Variants in UGT1A9 observed in about 807,000 individuals in gnomAD.
UGT1A9 encodes the protein UDP-glucuronosyltransferase 1A9.
A neutral mutation model predicts 45.0 loss-of-function variants in UGT1A9; 35 were observed. That is an observed-to-expected ratio of 0.78 (90% CI 0.59 to 1.03). The LOEUF is 1.03. Among genes scored for constraint, UGT1A9 ranks in the 50% least tolerant of loss-of-function variants. UGT1A9 has a pLI of 0.00. For synonymous variants in UGT1A9, 278 were observed against 250.6 expected, an observed-to-expected ratio of 1.11 and a Z score of -1.03; for missense variants, 687 against 666.6, an observed-to-expected ratio of 1.03 and a Z score of -0.34.
At chr2:233,753,258 G>C (rs935441896) in intron 1 of UGT1A9, 1 of 152,170 alleles carries the variant, frequency 6.6e-6, no homozygotes. Context: ...CAACTACCCA[G>C]GCACCTTGGA....
intron 1 of UGT1A9, among the ~76,000 whole-genome samples, chr2:233,678,117 G>T (rs1423085538): frequency 1.3e-5 from 2 of 152,098 alleles, no homozygotes; most frequent in Non-Finnish European, 2.9e-5. Context: ...GCTAAATAGT[G>T]GGTACTTTTG....
intron 1 of UGT1A9, chr2:233,693,388 C>A: frequency 2.5e-6 from 4 of 1,614,150 alleles, no homozygotes; most frequent in South Asian, 1.1e-5. Context: ...ACTGCCAGAG[C>A]CTCCTGCAGG....
chr2:233,671,998 T>A lies in UGT1A9; in HGVS notation c.64T>A (p.Phe22Ile). ...LCVCLLLTCG[F>I]AEAGKLLVVP... is the part of the protein sequence containing the mutation. The stretch of plus-strand genomic sequence containing the variant: ...TGTGTGTCTGCTGCTGACCTGTGGC[T>A]TTGCCGAGGCAGGGAAGCTACTGGT... The change falls in exon 1 of 5, where the codon TTT becomes ATT. Residue 22 changes from phenylalanine (F) to isoleucine (I), a missense_variant. Phe to Ile is a conservative substitution (Grantham distance 21). Coordinates refer to ENST00000354728, the MANE Select transcript of UGT1A9 (RefSeq NM_021027.3). 1 of 1,614,132 alleles carries A rather than the reference T, an allele frequency of 6.2e-7. No individual in the cohort carries two copies. Among genetic ancestry groups the A allele is most frequent in the East Asian group, 2.2e-5 (1 of 44,876 alleles).
At chr2:233,679,270 A>G (rs1487537750) in intron 1 of UGT1A9, among the ~76,000 whole-genome samples, 1 of 152,238 alleles carries the variant, frequency 6.6e-6, no homozygotes, top group Admixed American at 6.5e-5. Flanking sequence ...CTTGCTGGCA[A>G]TGCATTTTCT....
rs529320907 is a variant in UGT1A9 at position 233,713,045 on chromosome 2, T to C, written c.855+40256T>C. The C allele has an allele frequency of 6.2e-6, 10 of 1,614,044 alleles. No homozygotes were observed. The Admixed American group carries it at 6.7e-5, about 11-fold the overall frequency. ...CGCAGCTGGCCACAGGACTGCTGCT[T>C]CTCCTCAGTGTCCAGCCCTGGGCTG... On this transcript the variant is annotated intron_variant, in intron 1 of 4. Coordinates refer to ENST00000354728, the MANE Select transcript of UGT1A9 (RefSeq NM_021027.3).
At chr2:233,760,806 T>C (rs751197990) in intron 1 of UGT1A9, 3 of 1,613,492 alleles carry the variant, frequency 1.9e-6, no homozygotes, top group Non-Finnish European at 2.5e-6. Context: ...TCTTCTTGCA[T>C]GCACTGCCAT....
Position 233,772,498 on chromosome 2 carries a change from A to G in UGT1A9, c.1532A>G (p.Tyr511Cys), listed in dbSNP as rs1575871592. The G allele has an allele frequency of 1.2e-6, 2 of 1,614,068 alleles. No homozygotes were observed. The highest frequency in any genetic ancestry group is 2.2e-5 in the East Asian group (1 of 44,892). ...ACCTTTAAATGTTGTGCTTATGGCT[A>G]CCGGAAATGCTTGGGGAAAAAAGGG... is the stretch of plus-strand genomic sequence containing the variant. Reference protein sequence around the residue: ...FITFKCCAYGYRKCLGKKGRV... With the variant: ...FITFKCCAYGCRKCLGKKGRV... Residue 511 changes from tyrosine (Y) to cysteine (C), a missense_variant, in exon 5 of 5, where the codon TAC (tyrosine) becomes TGC (cysteine). By Grantham distance (194) the Tyr-to-Cys change is radical (BLOSUM62 -2). Transcript: ENST00000354728.
In UGT1A9 at chr2:233,730,882, A is replaced by G. The variant is rs150237801; in HGVS notation, c.856-36152A>G. On this transcript the variant is annotated intron_variant, in intron 1 of 4. Coordinates refer to ENST00000354728, the MANE Select transcript of UGT1A9 (RefSeq NM_021027.3). ...ACCCTACTGCACTCCAGGTTTCTAT[A>G]GTGGGATCTACTCCTTTACCAAAAA... 3.7e-3 allele frequency among the ~76,000 whole-genome samples: 556 copies of G among 152,264 alleles called. 1 individual carries two copies. The highest frequency in any genetic ancestry group is 7.3e-3 in the Admixed American group (112 of 15,302).
intron 1 of UGT1A9, among the ~76,000 whole-genome samples, chr2:233,756,771 G>T (rs1424521769): frequency 2.0e-5 from 3 of 152,000 alleles, no homozygotes; most frequent in Admixed American, 6.5e-5. Flanking sequence ...TGGATTCTTT[G>T]CTTTGATAAA....
At chr2:233,690,801 C>T (rs1206696679) in intron 1 of UGT1A9, 10 of 1,103,586 alleles carry the variant, frequency 9.1e-6, no homozygotes, top group Non-Finnish European at 1.1e-5. Flanking sequence ...ACACACACAC[C>T]ATTCTTAGTA....
intron 1 of UGT1A9, chr2:233,754,982 G>T (rs777457239): frequency 2.3e-5 from 30 of 1,295,872 alleles, no homozygotes; most frequent in Middle Eastern, 2.1e-4. Flanking sequence ...AGACCTCGGC[G>T]GGGTCACGGA....
intron 1 of UGT1A9, among the ~76,000 whole-genome samples, chr2:233,701,702 G>A (rs1450661974): frequency 2.0e-5 from 3 of 152,064 alleles, no homozygotes; most frequent in South Asian, 2.1e-4. Flanking sequence ...ACTCAAAACC[G>A]CTCAACTACA....
At chr2:233,735,891 A>C (rs2078706865) in intron 1 of UGT1A9, among the ~76,000 whole-genome samples, 2 of 151,822 alleles carry the variant, frequency 1.3e-5, no homozygotes, top group East Asian at 3.9e-4. Flanking sequence ...TGTTAGTCTG[A>C]TGGGCTTCCC....
intron 1 of UGT1A9, among the ~76,000 whole-genome samples, chr2:233,724,647 T>G (rs1247687172): frequency 2.2e-5 from 3 of 137,376 alleles, no homozygotes; most frequent in East Asian, 2.4e-4. Flanking sequence ...TGATGGCGGC[T>G]GGGAAGAGGC....
At chr2:233,689,099 C>A (rs2125541393) in intron 1 of UGT1A9, among the ~76,000 whole-genome samples, 1 of 152,330 alleles carries the variant, frequency 6.6e-6, no homozygotes, top group Non-Finnish European at 1.5e-5. Context: ...TGCCCCTCCC[C>A]ACTGCTCCTG....
At chr2:233,732,002 T>C (rs950186664) in intron 1 of UGT1A9, among the ~76,000 whole-genome samples, 3 of 152,234 alleles carry the variant, frequency 2.0e-5, no homozygotes, top group South Asian at 2.1e-4. Context: ...TGGTATCTCA[T>C]TGTGGTTTTG....
At chr2:233,766,252 CGCT>C (rs1699078846) in intron 1 of UGT1A9, among the ~76,000 whole-genome samples, 1 of 151,626 alleles carries the variant, frequency 6.6e-6, no homozygotes, top group Non-Finnish European at 1.5e-5. Flanking sequence ...GGAGTCAGAC[CGCT>C]CAGTGGCCCG....
chr2:233,763,341 T>C (rs1156611161), intron 1 of UGT1A9, among the ~76,000 whole-genome samples: 2 of 152,260 alleles, frequency 1.3e-5, no homozygotes, highest in African/African-American at 4.8e-5. Context: ...TACATTTCCC[T>C]AGCACATCTT....
chr2:233,681,837 ACACG>A, intron 1 of UGT1A9: 1 of 1,517,864 alleles, frequency 6.6e-7, no homozygotes, highest in Non-Finnish European at 8.8e-7. Context: ...ATGAATAAGT[ACACG>A]CCTTCTTTTG....
Sources: allele counts gnomAD v4.1 joint callset (sites outside exome capture counted in the v4.1 genomes callset), GRCh38; gene constraint gnomAD v4.1.1; transcripts MANE v1.5; gene names NCBI Gene and HGNC (gene_info 2026-07-23, HGNC 2026-07-21).